The following PTPRK variants were observed in gnomAD, a reference collection of about 807,000 sequenced individuals.
PTPRK encodes the protein protein tyrosine phosphatase receptor type K.
A neutral mutation model predicts 178.0 loss-of-function variants in PTPRK; 75 were observed. The ratio of observed to expected loss-of-function variants is 0.42; its 90% CI spans 0.35 to 0.51. The LOEUF (loss-of-function observed/expected upper bound fraction) is 0.51, where lower values mean the gene tolerates loss of function less well. Among genes scored for constraint, PTPRK ranks in the 20% least tolerant of loss-of-function variants. The pLI is 0.02. For synonymous variants in PTPRK, 637 were observed against 620.6 expected, an observed-to-expected ratio of 1.03 and a Z score of -0.39; for missense variants, 1,441 against 1,797.8, an observed-to-expected ratio of 0.80 and a Z score of 3.59.
chr6:128,054,387 T>C (rs1321630826), intron 13 of PTPRK, among the ~76,000 whole-genome samples: 3 of 152,356 alleles, frequency 2.0e-5, no homozygotes, highest in Middle Eastern at 3.4e-3. Context: ...ATTATAAGTA[T>C]GTATTAAAAA....
intron 3 of PTPRK, among the ~76,000 whole-genome samples, chr6:128,310,362 G>A (rs1827053099): frequency 6.6e-6 from 1 of 152,118 alleles, no homozygotes; most frequent in South Asian, 2.1e-4. Flanking sequence ...GTAGTCCACT[G>A]AATTTCAGTT....
intron 1 of PTPRK, among the ~76,000 whole-genome samples, chr6:128,461,454 TACA>T (rs1262936330): frequency 2.6e-5 from 4 of 152,170 alleles, no homozygotes; most frequent in Non-Finnish European, 5.9e-5. Flanking sequence ...ATTAACTGCT[TACA>T]AAAGTTCCAG....
intron 7 of PTPRK, among the ~76,000 whole-genome samples, chr6:128,155,322 C>T (rs754155110): frequency 1.3e-5 from 2 of 151,558 alleles, no homozygotes; most frequent in East Asian, 3.9e-4. Context: ...AAAATCATCA[C>T]CTAAATCCAT....
intron 6 of PTPRK, among the ~76,000 whole-genome samples, chr6:128,201,441 C>T (rs1805935410): frequency 6.6e-6 from 1 of 152,200 alleles, no homozygotes. Flanking sequence ...CGTATGTTTA[C>T]AGTAGTACAT....
At chr6:128,475,652 C>T (rs1851285346) in intron 1 of PTPRK, among the ~76,000 whole-genome samples, 1 of 151,966 alleles carries the variant, frequency 6.6e-6, no homozygotes, top group Non-Finnish European at 1.5e-5. Flanking sequence ...TCATAAGAAA[C>T]AAGGTTGGGC....
Position 128,067,681 on chromosome 6 carries a change from A to ACCC in PTPRK, c.1992_1994dup (p.Gly665dup). On this transcript the variant is annotated inframe_insertion, in exon 12 of 30. Transcript: ENST00000368226. The stretch of plus-strand genomic sequence containing the variant: ...GTTCTGCAGCAAAGTAATACGGTGC[A>ACCC]CCCCCACTCATGGCATTTTGGTATG... 6.2e-7 allele frequency: 1 copy of ACCC among 1,613,608 alleles called. No individual in the cohort carries two copies. Among genetic ancestry groups the ACCC allele is most frequent in the Non-Finnish European group, 8.5e-7 (1 of 1,179,756 alleles).
chr6:128,365,372 G>T lies in PTPRK; in HGVS notation c.223+32194C>A, dbSNP rs1835340185. ...AGTTTAAGTGCCTGAAATGTCATTT[G>T]AGATTTGATATCATTTGAATAGAGA... On this transcript the variant is annotated intron_variant, in intron 2 of 29. Coordinates refer to ENST00000368226, the MANE Select transcript of PTPRK (RefSeq NM_002844.4). Among the ~76,000 whole-genome samples, 2 of 152,102 alleles carry T rather than the reference G, an allele frequency of 1.3e-5. 1 individual carries two copies. The highest frequency in any genetic ancestry group is 4.1e-4 in the South Asian group (2 of 4,832).
At chr6:128,082,147 T>A (rs1784938923) in intron 10 of PTPRK, among the ~76,000 whole-genome samples, 2 of 152,140 alleles carry the variant, frequency 1.3e-5, no homozygotes, top group African/African-American at 4.8e-5. Context: ...TTCAAAAGTA[T>A]CATAAGATCT....
Position 128,466,398 on chromosome 6 carries a change from C to T in PTPRK, c.100+53861G>A, listed in dbSNP as rs188934841. 2.0e-3 allele frequency among the ~76,000 whole-genome samples: 307 copies of T among 152,184 alleles called. 1 individual carries two copies. Among genetic ancestry groups the T allele is most frequent in the Middle Eastern group, 0.01 (3 of 294 alleles). The stretch of plus-strand genomic sequence containing the variant: ...TAGCATAGGCAAGAATTGTCAAAGA[C>T]GAATATTCTAACACAGATTTTCTTA... On this transcript the variant is annotated intron_variant, in intron 1 of 29. Coordinates refer to ENST00000368226, the MANE Select transcript of PTPRK (RefSeq NM_002844.4).
chr6:128,223,515 T>C (rs1276078332), intron 5 of PTPRK, among the ~76,000 whole-genome samples: 1 of 152,056 alleles, frequency 6.6e-6, no homozygotes, highest in Admixed American at 6.6e-5. Context: ...TGTATTAATA[T>C]ACTAATATAA....
intron 1 of PTPRK, among the ~76,000 whole-genome samples, chr6:128,492,124 T>C (rs1437689383): frequency 6.6e-6 from 1 of 152,152 alleles, no homozygotes; most frequent in Non-Finnish European, 1.5e-5. Context: ...AATTGCCACA[T>C]TCATCTCTAT....
At chr6:128,449,830 T>G (rs573270502) in intron 1 of PTPRK, among the ~76,000 whole-genome samples, 1 of 151,822 alleles carries the variant, frequency 6.6e-6, no homozygotes, top group Admixed American at 6.6e-5. Flanking sequence ...GTGCGGTGGC[T>G]CATGCCTGTA....
intron 2 of PTPRK, among the ~76,000 whole-genome samples, chr6:128,336,332 C>G (rs939810016): frequency 4.6e-5 from 7 of 152,032 alleles, no homozygotes; most frequent in Non-Finnish European, 8.8e-5. Flanking sequence ...AGTTCCCACA[C>G]TAATTTTTTA....
At chr6:128,185,379 AT>A (rs1296584177) in intron 6 of PTPRK, among the ~76,000 whole-genome samples, 1 of 152,158 alleles carries the variant, frequency 6.6e-6, no homozygotes, top group African/African-American at 2.4e-5. Context: ...ATCTTAAGAT[AT>A]TCTGCTTGAA....
intron 7 of PTPRK, among the ~76,000 whole-genome samples, chr6:128,158,220 T>C (rs1262786593): frequency 6.6e-6 from 1 of 151,274 alleles, no homozygotes; most frequent in Non-Finnish European, 1.5e-5. Context: ...TGAGAACACT[T>C]GGACACAGGG....
intron 1 of PTPRK, among the ~76,000 whole-genome samples, chr6:128,487,824 A>T (rs1276658260): frequency 1.3e-5 from 2 of 152,224 alleles, no homozygotes; most frequent in Non-Finnish European, 2.9e-5. Flanking sequence ...CTTTTGTAAT[A>T]GGAGCGGTCA....
intron 6 of PTPRK, among the ~76,000 whole-genome samples, chr6:128,204,094 A>G (rs1806479780): frequency 6.6e-6 from 1 of 152,178 alleles, no homozygotes; most frequent in Non-Finnish European, 1.5e-5. Flanking sequence ...CCAGTGGAAC[A>G]GAATAGAGAA....
At chr6:128,054,260 A>T (rs1779535118) in intron 13 of PTPRK, among the ~76,000 whole-genome samples, 1 of 152,194 alleles carries the variant, frequency 6.6e-6, no homozygotes, top group South Asian at 2.1e-4. Context: ...TTTCATTTCC[A>T]ACTGTCAAAA....
intron 1 of PTPRK, among the ~76,000 whole-genome samples, chr6:128,516,658 C>T (rs1858079622): frequency 6.6e-6 from 1 of 152,126 alleles, no homozygotes; most frequent in Non-Finnish European, 1.5e-5. Flanking sequence ...TCTAAGTGCA[C>T]ATCAACAGGG....
Sources: gnomAD v4.1 joint callset for allele counts (sites outside exome capture counted in the v4.1 genomes callset) on GRCh38, gnomAD v4.1.1 for gene constraint, MANE v1.5 for transcripts, NCBI Gene and HGNC (gene_info 2026-07-23, HGNC 2026-07-21) for gene names.